Variants in KNDC1 observed in about 807,000 individuals in gnomAD.
KNDC1 encodes kinase non-catalytic C-lobe domain containing 1.
In KNDC1, 106 loss-of-function variants were observed where a neutral mutation model predicts 172.8. The observed-to-expected ratio is 0.61, with a 90% CI of 0.52 to 0.72. KNDC1 has a LOEUF of 0.72. KNDC1 is among the 30% of genes least tolerant of loss of function. The pLI, the probability that KNDC1 is intolerant of heterozygous loss-of-function variation, is 0.00. For synonymous variants in KNDC1, 1,083 were observed against 1,062.2 expected (o/e 1.02, Z -0.38); for missense variants, 2,325 against 2,394.5 (o/e 0.97, Z 0.61).
chr10:133,202,428 C>G (rs577877111), intron 17 of KNDC1: 2 of 409,970 alleles, frequency 4.9e-6, no homozygotes, highest in South Asian at 3.6e-5. Context: ...GGTCTTAGAC[C>G]GGGGAGTCCT....
chr10:133,198,307 G>A lies in KNDC1; in HGVS notation c.1907-30G>A, dbSNP rs372956989. The A allele has an allele frequency of 5.0e-5, 76 of 1,528,998 alleles. No individual in the cohort carries two copies. In the African/African-American group the frequency reaches 7.1e-4, roughly 14 times the overall value. The allele number at this position is 1,528,998 out of a possible 1,614,324, so 94.7% of individuals were successfully genotyped here. On this transcript the variant is annotated intron_variant, in intron 12 of 29. Coordinates refer to ENST00000304613, the MANE Select transcript of KNDC1 (RefSeq NM_152643.8). Reference sequence around the variant, plus strand: ...GGCACGTGCTGGGGCCACTCCGCCCGCCCACACCCTCAGCCCCCTGGCTCC... The same window carrying A: ...GGCACGTGCTGGGGCCACTCCGCCCACCCACACCCTCAGCCCCCTGGCTCC...
At position 133,183,897 on chromosome 10, in the gene KNDC1, A is replaced by G; in HGVS notation, c.533A>G (p.Lys178Arg). The G allele has an allele frequency of 6.3e-7, 1 of 1,599,142 alleles. No individual in the cohort carries two copies. The change falls in exon 5 of 30, where the codon AAG (lysine) becomes AGG (arginine). Residue 178 changes from lysine (K) to arginine (R), a missense_variant. Lys to Arg is a conservative substitution (Grantham distance 26). Transcript: ENST00000304613. Reference protein sequence around the residue: ...LESIIALCEEKLQLTSSCRVC... With the variant: ...LESIIALCEERLQLTSSCRVC... ...AGCATCATCGCGCTGTGTGAAGAGA[A>G]GCTGCAGCTCACATCCTCCTGTCGC... is the stretch of plus-strand genomic sequence containing the variant.
In KNDC1 at chr10:133,224,472, A is replaced by T. The variant is rs78508010; in HGVS notation, c.5019-187A>T. On this transcript the variant is annotated intron_variant, in intron 29 of 29. Coordinates refer to ENST00000304613, the MANE Select transcript of KNDC1 (RefSeq NM_152643.8). The surrounding 1 kb of genome is among the most constrained non-coding windows in gnomAD (Gnocchi z 5.4). ...GAAATGTGGATGGATGGACAGTCAG[A>T]CAGACGGAAAGGTCTGAGTAGTGAC... Among the ~76,000 whole-genome samples the T allele has an allele frequency of 2.1e-3, 314 of 152,292 alleles. 9 individuals are homozygous for T. In the East Asian group the frequency reaches 0.037, roughly 18 times the overall value.
chr10:133,186,839 G>A (rs12385763), intron 6 of KNDC1, among the ~76,000 whole-genome samples, 165 bp downstream of exon 6: 59,086 of 152,136 alleles, frequency 0.39, 13,299 homozygotes, highest in South Asian at 0.65. Context: ...TCTGAAGGAA[G>A]CTGTGGCTGC....
intron 17 of KNDC1, among the ~76,000 whole-genome samples, chr10:133,203,297 G>A (rs967727586): frequency 2.4e-4 from 36 of 148,424 alleles, no homozygotes; most frequent in Non-Finnish European, 3.3e-4. Flanking sequence ...GGCGTCCAGC[G>A]GGGAGCACTC....
rs1291985979 is a variant in KNDC1, at chr10:133,186,434, G to A, written c.1086G>A (p.Arg362=). 6.2e-7 allele frequency: 1 copy of A among 1,612,644 alleles called. No homozygotes were observed. Among genetic ancestry groups the A allele is most frequent in the Admixed American group, 1.7e-5 (1 of 59,990 alleles). The change falls in exon 6 of 30, where the codon AGG becomes AGA. Residue 362 remains arginine, a synonymous_variant. Coordinates refer to ENST00000304613, the MANE Select transcript of KNDC1 (RefSeq NM_152643.8). ...LSSFQAQPKC[R]LWPEQEPEHQ... ...GCTTCCAGGCTCAGCCCAAATGCAG[G>A]CTGTGGCCGGAGCAGGAGCCGGAAC...
At chr10:133,217,692 A>G (rs1845496265) in intron 26 of KNDC1, among the ~76,000 whole-genome samples, 2 of 151,590 alleles carry the variant, frequency 1.3e-5, no homozygotes, top group Non-Finnish European at 2.9e-5. Flanking sequence ...TACAAAAATT[A>G]TCACGGCTGT....
chr10:133,197,770 TG>T lies in KNDC1; in HGVS notation c.1906+6del. On this transcript the variant is annotated splice_donor_region_variant and intron_variant, in intron 12 of 29. Transcript: ENST00000304613. ...CACCAGCCCCAGAGCCCAGCCCAGG[TG>T]GGGACCTGACCAGCCCCTGCTGCCC... The T allele has an allele frequency of 6.2e-7, 1 of 1,609,212 alleles. No individual in the cohort carries two copies. Among genetic ancestry groups the T allele is most frequent in the Non-Finnish European group, 8.5e-7 (1 of 1,178,272 alleles).
chr10:133,188,337 G>A (rs1462781450), intron 6 of KNDC1, among the ~76,000 whole-genome samples: 1 of 152,184 alleles, frequency 6.6e-6, no homozygotes. Flanking sequence ...CCCACCCACA[G>A]GGCCAAGGGC....
intron 1 of KNDC1, among the ~76,000 whole-genome samples, chr10:133,165,896 G>A (rs1853135542): frequency 6.6e-6 from 1 of 152,178 alleles, no homozygotes. Flanking sequence ...CATAGAAAGA[G>A]CTGGAAGGGC....
At chr10:133,162,111 G>A (rs1852995398) in intron 1 of KNDC1, among the ~76,000 whole-genome samples, 2 of 152,222 alleles carry the variant, frequency 1.3e-5, no homozygotes, top group Admixed American at 6.5e-5. Flanking sequence ...ATCCCACCGA[G>A]TTTGCAGCGT....
chr10:133,177,233 A>T (rs977354902), intron 3 of KNDC1, among the ~76,000 whole-genome samples: 4 of 151,704 alleles, frequency 2.6e-5, no homozygotes, highest in Non-Finnish European at 5.9e-5. Flanking sequence ...GTGTGTGCAT[A>T]TGCATGCAAT....
In KNDC1 at chr10:133,190,239, C is replaced by T. The variant is rs934717414; in HGVS notation, c.1575+426C>T. ...TCCCACCGAGGAAGAGCACTAAGTA[C>T]CCTACACTAAGCACCCTGCACTAAA... On this transcript the variant is annotated intron_variant, in intron 9 of 29. Coordinates refer to ENST00000304613, the MANE Select transcript of KNDC1 (RefSeq NM_152643.8). 2.0e-5 allele frequency among the ~76,000 whole-genome samples: 3 copies of T among 152,196 alleles called. No individual in the cohort carries two copies. The East Asian group carries it at 5.8e-4, about 29-fold the overall frequency.
intron 1 of KNDC1, 182 bp from the exon 2 acceptor site, chr10:133,167,199 C>T (rs1213020842): frequency 1.0e-4 from 64 of 626,256 alleles, no homozygotes; most frequent in South Asian, 7.1e-4. Context: ...GTGGCTCTGA[C>T]GTCCAGGGAA....
chr10:133,217,802 C>A (rs530898432), intron 26 of KNDC1, among the ~76,000 whole-genome samples: 2 of 151,824 alleles, frequency 1.3e-5, no homozygotes, highest in Non-Finnish European at 2.9e-5. Context: ...ACTAAAAATA[C>A]AAAAATTATC....
Position 133,183,402 on chromosome 10 carries a change from C to A in KNDC1, c.419C>A (p.Pro140His), listed in dbSNP as rs753285699. The A allele has an allele frequency of 1.2e-6, 2 of 1,602,432 alleles. No homozygotes were observed. The highest frequency in any genetic ancestry group is 2.2e-5 in the South Asian group (2 of 88,948). The change falls in exon 4 of 30, where the codon CCC becomes CAC. Residue 140 changes from proline (P) to histidine (H), a missense_variant. By Grantham distance (77) the Pro-to-His change is moderately conservative. Transcript: ENST00000304613. ...LKAALEYVAE[P>H]TLEPRLSQDL... Reference sequence around the variant, plus strand: ...GCCGCCCTCGAGTACGTGGCAGAGCCCACACTGGAACCCAGGCTGAGCCAA... The same window carrying A: ...GCCGCCCTCGAGTACGTGGCAGAGCACACACTGGAACCCAGGCTGAGCCAA...
chr10:133,188,316 C>T (rs1199061024), intron 6 of KNDC1, among the ~76,000 whole-genome samples: 4 of 152,196 alleles, frequency 2.6e-5, no homozygotes, highest in East Asian at 3.9e-4. Context: ...GTGGCTGCAC[C>T]GTGGGACGTT....
intron 20 of KNDC1, among the ~76,000 whole-genome samples, chr10:133,207,593 C>T (rs1466170102): frequency 6.6e-6 from 1 of 152,242 alleles, no homozygotes. Flanking sequence ...GCCTGGTGGT[C>T]CCCGGAGGTG....
rs1048412136 is a variant in KNDC1 at position 133,209,194 on chromosome 10, T to C, written c.3795-1417T>C. 6.6e-6 allele frequency among the ~76,000 whole-genome samples: 1 copy of C among 150,586 alleles called. No individual in the cohort carries two copies. The highest frequency in any genetic ancestry group is 2.5e-5 in the African/African-American group (1 of 40,778). On this transcript the variant is annotated intron_variant, in intron 20 of 29. Coordinates refer to ENST00000304613, the MANE Select transcript of KNDC1 (RefSeq NM_152643.8). This position sits in a 1 kb window ranked among gnomAD's most constrained non-coding sequence, Gnocchi z 4.9. ...CATGTGTGTATGGCATGGGGTGTAG[T>C]GTGGCGTGTACACGTGTGTGGTTGG...
Sources: allele counts gnomAD v4.1 joint callset (sites outside exome capture counted in the v4.1 genomes callset), GRCh38; gene constraint gnomAD v4.1.1; non-coding constraint Gnocchi (gnomAD v3.1); transcripts MANE v1.5; gene names NCBI Gene and HGNC (gene_info 2026-07-23, HGNC 2026-07-21).